The following PDGFC variants were observed in gnomAD, a reference collection of about 807,000 sequenced individuals.
The protein encoded by PDGFC is platelet derived growth factor C, also known as platelet-derived growth factor C.
In PDGFC, 12 loss-of-function variants were observed where a neutral mutation model predicts 35.5. The ratio of observed to expected loss-of-function variants is 0.34; its 90% CI spans 0.22 to 0.55. The LOEUF (loss-of-function observed/expected upper bound fraction) is 0.55. Ranked by LOEUF, PDGFC falls within the 20% of genes least tolerant of loss-of-function variation. PDGFC has a pLI of 0.91. For synonymous variants in PDGFC, 159 were observed against 148.8 expected (o/e 1.07, Z -0.50); for missense variants, 322 against 412.4 (o/e 0.78, Z 1.90).
chr4:156,971,455 G>C lies in PDGFC; in HGVS notation c.-552C>G, dbSNP rs1414425835. On this transcript the variant is annotated 5_prime_UTR_variant, in exon 1 of 6. Coordinates refer to ENST00000502773, the MANE Select transcript of PDGFC (RefSeq NM_016205.3). ...GGGGAGGGGGAAGAAACAAGGCGAG[G>C]GCGCCGCGGCGGGTCCCACGGGCCG... is the stretch of plus-strand genomic sequence containing the variant. 3.1e-6 allele frequency: 1 copy of C among 323,904 alleles called. No individual in the cohort carries two copies. The highest frequency in any genetic ancestry group is 2.2e-5 in the African/African-American group (1 of 45,872). 20.1% of individuals were successfully genotyped at this position (323,904 alleles called of 1,614,324 possible). A position where few individuals can be genotyped will look rare whatever the true frequency, so the allele number is the denominator to read the frequency against.
In PDGFC at chr4:156,810,988, C is replaced by A; in HGVS notation, c.344G>T (p.Ser115Ile). The change falls in exon 3 of 6, where the codon AGT (serine) becomes ATT (isoleucine). Residue 115 changes from serine to isoleucine, a missense_variant. Ser to Ile is a moderately radical substitution (Grantham distance 142, BLOSUM62 -2). Coordinates refer to ENST00000502773, the MANE Select transcript of PDGFC (RefSeq NM_016205.3). ...KYDFVEVEEP[S>I]DGTILGRWCG... The stretch of plus-strand genomic sequence containing the variant: ...CCAGCGCCCTAATATAGTTCCATCA[C>A]TGGGTTCCTCAACTTCTACAAAATC... The A allele has an allele frequency of 6.3e-7, 1 of 1,588,134 alleles. No homozygotes were observed. The highest frequency in any genetic ancestry group is 8.5e-7 in the Non-Finnish European group (1 of 1,170,384).
intron 1 of PDGFC, among the ~76,000 whole-genome samples, chr4:156,888,021 G>C: frequency 6.9e-6 from 1 of 145,088 alleles, no homozygotes; most frequent in East Asian, 2.0e-4. Context: ...AAAAAAAAAA[G>C]ATTGATAAAT....
At position 156,898,501 on chromosome 4, in the gene PDGFC, C is replaced by T. The variant is rs185376213; in HGVS notation, c.119-48085G>A. Among the ~76,000 whole-genome samples, 347 of 152,316 alleles carry T rather than the reference C, an allele frequency of 2.3e-3. 1 individual carries two copies. The highest frequency in any genetic ancestry group is 8.1e-3 in the African/African-American group (336 of 41,576). On this transcript the variant is annotated intron_variant, in intron 1 of 5. Coordinates refer to ENST00000502773, the MANE Select transcript of PDGFC (RefSeq NM_016205.3). Reference sequence around the variant, plus strand: ...TCCAGATCTATCCTCCCAGCCCTCTCACTTTCACTTCTTCACAAGTACAAT... The same window carrying T: ...TCCAGATCTATCCTCCCAGCCCTCTTACTTTCACTTCTTCACAAGTACAAT...
chr4:156,890,611 C>A (rs758489423), intron 1 of PDGFC, among the ~76,000 whole-genome samples: 1 of 152,112 alleles, frequency 6.6e-6, no homozygotes, highest in African/African-American at 2.4e-5. Context: ...GGTTCATGCA[C>A]CCTCTTTGGT....
intron 2 of PDGFC, among the ~76,000 whole-genome samples, chr4:156,826,523 A>C (rs894444615): frequency 1.3e-5 from 2 of 152,042 alleles, no homozygotes; most frequent in Non-Finnish European, 2.9e-5. Flanking sequence ...ACTGTAAAGG[A>C]AATTATTTTC....
intron 1 of PDGFC, among the ~76,000 whole-genome samples, chr4:156,916,018 C>T (rs1731149618): frequency 6.6e-6 from 1 of 151,950 alleles, no homozygotes; most frequent in Non-Finnish European, 1.5e-5. Context: ...AACTGATCAC[C>T]CCAAACTTCT....
rs897522176 is a variant in PDGFC at position 156,919,773 on chromosome 4, T to A, written c.118+51013A>T. Among the ~76,000 whole-genome samples the A allele has an allele frequency of 9.8e-5, 15 of 152,314 alleles. 1 individual carries two copies. The highest frequency in any genetic ancestry group is 4.6e-4 in the Admixed American group (7 of 15,300). Reference sequence around the variant, plus strand: ...TTACCTGTATGAAACATAATTGGAATTTCAAAATATTTTAGCTCTCTAGGA... The same window carrying A: ...TTACCTGTATGAAACATAATTGGAAATTCAAAATATTTTAGCTCTCTAGGA... On this transcript the variant is annotated intron_variant, in intron 1 of 5. Coordinates refer to ENST00000502773, the MANE Select transcript of PDGFC (RefSeq NM_016205.3).
intron 1 of PDGFC, among the ~76,000 whole-genome samples, chr4:156,929,292 T>G (rs1036648413): frequency 1.3e-5 from 2 of 152,274 alleles, no homozygotes; most frequent in African/African-American, 4.8e-5. Context: ...AAAGAAATTT[T>G]ATCAGTATCT....
intron 3 of PDGFC, among the ~76,000 whole-genome samples, chr4:156,804,133 C>A (rs947824078): frequency 2.0e-5 from 3 of 151,870 alleles, no homozygotes; most frequent in Non-Finnish European, 2.9e-5. Context: ...AGTTTCTAAT[C>A]TATTCATATA....
intron 1 of PDGFC, among the ~76,000 whole-genome samples, chr4:156,869,506 C>T (rs911769209): frequency 1.3e-5 from 2 of 152,040 alleles, no homozygotes; most frequent in African/African-American, 4.8e-5. Context: ...CAATTGTCTT[C>T]AATATGGATT....
At chr4:156,875,489 C>CT (rs1351627435) in intron 1 of PDGFC, among the ~76,000 whole-genome samples, 1 of 152,114 alleles carries the variant, frequency 6.6e-6, no homozygotes, top group African/African-American at 2.4e-5. Flanking sequence ...CAGTAAAAAC[C>CT]TAGTCTCACC....
intron 2 of PDGFC, among the ~76,000 whole-genome samples, chr4:156,829,313 C>T (rs28709352): frequency 0.059 from 9,036 of 152,168 alleles, 886 homozygotes; most frequent in African/African-American, 0.21. Flanking sequence ...AATATCTTCA[C>T]ATAAAGGGAA....
chr4:156,847,447 A>G (rs1295699558), intron 2 of PDGFC, among the ~76,000 whole-genome samples: 1 of 151,830 alleles, frequency 6.6e-6, no homozygotes, highest in African/African-American at 2.4e-5. Context: ...ACTCTTCAAA[A>G]CTGTCTAGTC....
chr4:156,965,933 T>G (rs1424196858), intron 1 of PDGFC, among the ~76,000 whole-genome samples: 1 of 152,156 alleles, frequency 6.6e-6, no homozygotes, highest in Non-Finnish European at 1.5e-5. Flanking sequence ...CCAGCAGGGT[T>G]GCAGAAGTAT....
chr4:156,894,917 A>T (rs1380260714), intron 1 of PDGFC, among the ~76,000 whole-genome samples: 2 of 152,222 alleles, frequency 1.3e-5, no homozygotes, highest in African/African-American at 4.8e-5. Flanking sequence ...CAGGATTTTC[A>T]CAGCCCCTGG....
chr4:156,862,254 G>A (rs1316184724), intron 1 of PDGFC, among the ~76,000 whole-genome samples: 7 of 152,114 alleles, frequency 4.6e-5, no homozygotes. Flanking sequence ...AGAAGTGTTT[G>A]ACAATTGCAC....
chr4:156,971,584 C>T lies in PDGFC; in HGVS notation c.-681G>A, dbSNP rs1329429860. Reference sequence around the variant, plus strand: ...TCCTCAGCCCGGAGCGCAGTTGGCCCCGGGTTCGGAGCGCCGCAGCACGGA... The same window carrying T: ...TCCTCAGCCCGGAGCGCAGTTGGCCTCGGGTTCGGAGCGCCGCAGCACGGA... On this transcript the variant is annotated 5_prime_UTR_variant, in exon 1 of 6. Coordinates refer to ENST00000502773, the MANE Select transcript of PDGFC (RefSeq NM_016205.3). Among the ~76,000 whole-genome samples the T allele has an allele frequency of 1.3e-5, 2 of 151,448 alleles. No individual in the cohort carries two copies. Among genetic ancestry groups the T allele is most frequent in the African/African-American group, 2.4e-5 (1 of 41,322 alleles).
chr4:156,910,034 C>T (rs1292131926), intron 1 of PDGFC, among the ~76,000 whole-genome samples: 1 of 152,116 alleles, frequency 6.6e-6, no homozygotes, highest in Non-Finnish European at 1.5e-5. Flanking sequence ...AGCTTAGAGA[C>T]AGTCATGAAC....
At chr4:156,825,598 A>G (rs1413608151) in intron 2 of PDGFC, among the ~76,000 whole-genome samples, 12 of 95,556 alleles carry the variant, frequency 1.3e-4, no homozygotes, top group South Asian at 7.1e-4. Context: ...AATAATAAGA[A>G]GAAGAAGAAG....
Sources: allele counts gnomAD v4.1 joint callset (sites outside exome capture counted in the v4.1 genomes callset), GRCh38; gene constraint gnomAD v4.1.1; transcripts MANE v1.5; gene names NCBI Gene and HGNC (gene_info 2026-07-23, HGNC 2026-07-21).